The following NPM1 variants were observed in gnomAD, a reference collection of about 807,000 sequenced individuals.
The protein encoded by NPM1 is nucleophosmin.
A neutral mutation model predicts 44.1 loss-of-function variants in NPM1; 1 was observed. That is an observed-to-expected ratio of 0.02 (90% CI 0.01 to 0.11). The LOEUF is 0.11. NPM1 is among the 10% of genes least tolerant of loss of function. The pLI, the probability that NPM1 is intolerant of heterozygous loss-of-function variation, is 1.00. For synonymous variants in NPM1, 126 were observed against 111.8 expected (o/e 1.13, Z -0.80); for missense variants, 197 against 347.8 (o/e 0.57, Z 3.45).
intron 6 of NPM1, among the ~76,000 whole-genome samples, chr5:171,398,081 T>C (rs184272646): frequency 6.0e-4 from 91 of 151,860 alleles, no homozygotes; most frequent in African/African-American, 2.2e-3. Flanking sequence ...GCCACTGCAC[T>C]GGGCCCAAGA....
rs550180782 is a variant in NPM1, at chr5:171,391,904, A to C, written c.352+105A>C. On this transcript the variant is annotated intron_variant, in intron 4 of 10. Coordinates refer to ENST00000296930, the MANE Select transcript of NPM1 (RefSeq NM_002520.7). ...ATGGGTATAGTACTACTGTCTTTTT[A>C]ATAGGTTCCAATGTGAGTCTAGAAA... is the stretch of plus-strand genomic sequence containing the variant. The C allele has an allele frequency of 1.0e-5, 6 of 582,842 alleles. No individual in the cohort carries two copies. In the East Asian group the frequency reaches 1.9e-4, roughly 18 times the overall value. The allele number at this position is 582,842 out of a possible 1,614,324, so 36.1% of individuals were successfully genotyped here. A position where few individuals can be genotyped will look rare whatever the true frequency, so the allele number is the denominator to read the frequency against.
chr5:171,405,039 G>A (rs1044908240), intron 8 of NPM1, among the ~76,000 whole-genome samples: 1 of 152,114 alleles, frequency 6.6e-6, no homozygotes. Flanking sequence ...CTGGGCTTAA[G>A]CAATCCTCCT....
intron 3 of NPM1, 84 bp from the exon 4 acceptor site, chr5:171,391,622 G>A (rs886112992): frequency 8.6e-7 from 1 of 1,159,260 alleles, no homozygotes; most frequent in Admixed American, 1.8e-5. Flanking sequence ...TCACTGGTTT[G>A]TTGATTTGGC....
intron 2 of NPM1, 143 bp from the exon 3 acceptor site, chr5:171,391,162 A>G: frequency 2.2e-6 from 2 of 919,718 alleles, no homozygotes; most frequent in South Asian, 3.3e-5. Flanking sequence ...TTATGATTGT[A>G]CAAAGATGAA....
At chr5:171,390,283 A>C (rs761139915) in intron 2 of NPM1, 153 bp downstream of exon 2, 5 of 487,586 alleles carry the variant, frequency 1.0e-5, no homozygotes, top group Non-Finnish European at 1.4e-5. Context: ...CTGTCTGTAC[A>C]TCTTTGAAGA....
chr5:171,391,460 G>T (rs371675044), intron 3 of NPM1, 36 bp downstream of exon 3: 15 of 1,601,416 alleles, frequency 9.4e-6, no homozygotes, highest in African/African-American at 2.7e-5. Context: ...GTTGTGTCAA[G>T]GTTTAATTCT....
rs17851431 is a variant in NPM1 at position 171,407,740 on chromosome 5, A to G, written c.812A>G (p.Tyr271Cys). The change falls in exon 10 of 11, where the codon TAT becomes TGT. Residue 271 changes from tyrosine to cysteine, a missense_variant. By Grantham distance (194) the Tyr-to-Cys change is radical (BLOSUM62 -2). Around this residue, in one of 5 missense-constraint regions of NPM1, gnomAD observed 47 missense variants for 106.5 expected, o/e 0.44. Coordinates refer to ENST00000296930, the MANE Select transcript of NPM1 (RefSeq NM_002520.7). ...LPKVEAKFIN[Y>C]VKNCFRMTDQ... ...AAAGTGGAAGCCAAATTCATCAATT[A>G]TGTGAAGAATTGCTTCCGGATGACT... 1 of 1,611,678 alleles carries G rather than the reference A, an allele frequency of 6.2e-7. No individual in the cohort carries two copies. Among genetic ancestry groups the G allele is most frequent in the Non-Finnish European group, 8.5e-7 (1 of 1,177,920 alleles).
intron 6 of NPM1, among the ~76,000 whole-genome samples, chr5:171,395,590 A>G (rs565941839): frequency 1.3e-5 from 2 of 152,314 alleles, no homozygotes; most frequent in East Asian, 3.9e-4. Context: ...TAAGTTGAAG[A>G]AAGTGTACTA....
In NPM1 at chr5:171,390,033, T is replaced by C. The variant is rs2113158390; in HGVS notation, c.59-18T>C. 1 of 1,522,446 alleles carries C rather than the reference T, an allele frequency of 6.6e-7. No homozygotes were observed. Among genetic ancestry groups the C allele is most frequent in the Non-Finnish European group, 9.0e-7 (1 of 1,117,138 alleles). The allele number at this position is 1,522,446 out of a possible 1,614,324, so 94.3% of individuals were successfully genotyped here. A position where few individuals can be genotyped will look rare whatever the true frequency, so the allele number is the denominator to read the frequency against. ...TTATTTTTCTCCTTGTTAGAGTTGC[T>C]TTTTTCTTCATTTACAGGTTGTGAA... On this transcript the variant is annotated intron_variant, in intron 1 of 10. Coordinates refer to ENST00000296930, the MANE Select transcript of NPM1 (RefSeq NM_002520.7).
At chr5:171,405,162 T>G (rs1001748660) in intron 8 of NPM1, 140 bp from the exon 9 acceptor site, 1 of 607,102 alleles carries the variant, frequency 1.6e-6, no homozygotes, top group Non-Finnish European at 3.0e-6. Flanking sequence ...TGGCGTGAAT[T>G]TATTGATGAT....
Position 171,388,018 on chromosome 5 carries a change from G to A in NPM1, c.58+12G>A, listed in dbSNP as rs1297713205. On this transcript the variant is annotated intron_variant, in intron 1 of 10. Coordinates refer to ENST00000296930, the MANE Select transcript of NPM1 (RefSeq NM_002520.7). Reference sequence around the variant, plus strand: ...GAACTATCTTTTCGGTAACTGCTGGGGGGAGCTGGAGCGAGGCCGAGCGGG... The same window carrying A: ...GAACTATCTTTTCGGTAACTGCTGGAGGGAGCTGGAGCGAGGCCGAGCGGG... 1 of 1,612,120 alleles carries A rather than the reference G, an allele frequency of 6.2e-7. No homozygotes were observed. Among genetic ancestry groups the A allele is most frequent in the South Asian group, 1.1e-5 (1 of 91,004 alleles).
chr5:171,387,238 A>C (rs1313891191), upstream of NPM1: 1 of 152,252 alleles, frequency 6.6e-6, no homozygotes, highest in Non-Finnish European at 1.5e-5. Flanking sequence ...AAGTTCCGTA[A>C]GTCTGGCCGG....
intron 6 of NPM1, among the ~76,000 whole-genome samples, chr5:171,396,458 TA>T (rs1489547590): frequency 6.6e-6 from 1 of 152,248 alleles, no homozygotes; most frequent in Non-Finnish European, 1.5e-5. Flanking sequence ...AAATCACTGT[TA>T]AAAAGCCACT....
At chr5:171,410,142 C>T (rs1037649890) in intron 10 of NPM1, among the ~76,000 whole-genome samples, 1 of 152,222 alleles carries the variant, frequency 6.6e-6, no homozygotes, top group Non-Finnish European at 1.5e-5. Context: ...GGCACACATG[C>T]ACAGGCAATT....
chr5:171,409,763 T>C (rs867234157), intron 10 of NPM1, among the ~76,000 whole-genome samples: 13 of 152,194 alleles, frequency 8.5e-5, no homozygotes, highest in Non-Finnish European at 1.3e-4. Context: ...CACCTTGGCC[T>C]CTTAAAGTGC....
At chr5:171,396,928 G>A (rs1048742362) in intron 6 of NPM1, among the ~76,000 whole-genome samples, 17 of 152,016 alleles carry the variant, frequency 1.1e-4, no homozygotes, top group Admixed American at 3.9e-4. Flanking sequence ...AGCCGAGATC[G>A]CACCATTGCA....
chr5:171,387,411 G>T (rs1466144331), upstream of NPM1, among the ~76,000 whole-genome samples: 1 of 152,200 alleles, frequency 6.6e-6, no homozygotes, highest in African/African-American at 2.4e-5. Context: ...TAGGGGATGG[G>T]GAAAGGTGAA....
At chr5:171,398,274 C>G (rs1251032922) in intron 6 of NPM1, among the ~76,000 whole-genome samples, 8 of 152,134 alleles carry the variant, frequency 5.3e-5, no homozygotes, top group African/African-American at 1.9e-4. Context: ...GAAATCATTG[C>G]TAAATTCAAA....
At chr5:171,397,802 CTTTT>C (rs575241008) in intron 6 of NPM1, among the ~76,000 whole-genome samples, 4 of 132,354 alleles carry the variant, frequency 3.0e-5, no homozygotes, top group Non-Finnish European at 3.2e-5. Context: ...GGCAAGAATT[CTTTT>C]TTTTTTTTTT....
Sources: gnomAD v4.1 joint callset for allele counts (sites outside exome capture counted in the v4.1 genomes callset) on GRCh38, gnomAD v4.1.1 for gene constraint, gnomAD v4.1.1 regional missense constraint, MANE v1.5 for transcripts, NCBI Gene and HGNC (gene_info 2026-07-23, HGNC 2026-07-21) for gene names.